Variants in NALCN observed in about 807,000 individuals in gnomAD.
The protein encoded by NALCN is sodium leak channel, non-selective, also known as sodium leak channel NALCN.
Under a neutral mutation model 225.3 loss-of-function variants are expected in NALCN, and 111 were observed. The ratio of observed to expected loss-of-function variants is 0.49; its 90% confidence interval spans 0.42 to 0.58. The LOEUF (loss-of-function observed/expected upper bound fraction) is 0.58. Among genes scored for constraint, NALCN ranks in the 20% least tolerant of loss-of-function variants. NALCN has a pLI of 0.00. For missense variants in NALCN, 1,378 were observed against 2,202.4 expected, an observed-to-expected ratio of 0.63 and a Z score of 7.49; for synonymous variants, 764 against 769.0, an observed-to-expected ratio of 0.99 and a Z score of 0.11.
At chr13:101,236,945 A>AAC (rs1594501019) in intron 12 of NALCN, among the ~76,000 whole-genome samples, 2 of 100,382 alleles carry the variant, frequency 2.0e-5, no homozygotes, top group East Asian at 6.6e-4. Context: ...TAAAAAATAA[A>AAC]ATAATATAAA....
At chr13:101,208,656 A>C (rs545877350) in intron 13 of NALCN, among the ~76,000 whole-genome samples, 1 of 152,298 alleles carries the variant, frequency 6.6e-6, no homozygotes, top group Admixed American at 6.5e-5. Context: ...TGTTTAGGTC[A>C]CGGGGCAGCT....
At chr13:101,360,820 G>A (rs1485273034) in intron 6 of NALCN, among the ~76,000 whole-genome samples, 1 of 152,148 alleles carries the variant, frequency 6.6e-6, no homozygotes, top group Admixed American at 6.5e-5. Flanking sequence ...GGTGCTCCTT[G>A]GACATTTCTG....
chr13:101,080,588 A>T (rs534388083), intron 34 of NALCN, among the ~76,000 whole-genome samples: 1 of 139,968 alleles, frequency 7.1e-6, no homozygotes, highest in Admixed American at 7.2e-5. Context: ...TATATAATTA[A>T]ATAATTATTA....
chr13:101,180,770 C>A (rs1462820484), intron 14 of NALCN: 1 of 297,838 alleles, frequency 3.4e-6, no homozygotes. Flanking sequence ...TCAAAACACA[C>A]CTGTGTGGGT....
At position 101,305,412 on chromosome 13, in the gene NALCN, T is replaced by C. The variant is rs2044122897; in HGVS notation, c.800-13046A>G. On this transcript the variant is annotated intron_variant, in intron 7 of 43. Coordinates refer to ENST00000251127, the MANE Select transcript of NALCN (RefSeq NM_052867.4). ...TTATAAAATATCCAGCACAAATCATTGAAGTTAAAGAGGCACAAGGACATT... is the reference window on the plus strand; with the variant it reads ...TTATAAAATATCCAGCACAAATCATCGAAGTTAAAGAGGCACAAGGACATT... Among the ~76,000 whole-genome samples, 3 of 152,224 alleles carry C rather than the reference T, an allele frequency of 2.0e-5. No homozygotes were observed. In the South Asian group the frequency reaches 6.2e-4, roughly 31 times the overall value.
intron 37 of NALCN, among the ~76,000 whole-genome samples, chr13:101,071,250 T>C (rs190727669): frequency 1.4e-4 from 21 of 152,360 alleles, no homozygotes; most frequent in Admixed American, 1.3e-3. Flanking sequence ...GCTGCATTAG[T>C]CCCTAACAAC....
At position 101,143,086 on chromosome 13, in the gene NALCN, G is replaced by A. The variant is rs757503833; in HGVS notation, c.2112C>T (p.Asp704=). 1.9e-6 allele frequency: 3 copies of A among 1,613,992 alleles called. No individual in the cohort carries two copies. Among genetic ancestry groups the A allele is most frequent in the South Asian group, 1.1e-5 (1 of 91,062 alleles). Residue 704 remains aspartate, a synonymous_variant, in exon 17 of 44, where the codon GAC becomes GAT. Transcript: ENST00000251127. ...RSAIEDNKYI[D]QKLRKSVFSI... ...TCGAAACAGCAGATCTTACTTTTTG[G>A]TCGATGTATTTGTTGTCCTCAATTG...
At chr13:101,064,811 G>A (rs1368295692) in intron 40 of NALCN, among the ~76,000 whole-genome samples, 1 of 152,100 alleles carries the variant, frequency 6.6e-6, no homozygotes, top group Non-Finnish European at 1.5e-5. Context: ...TCAGCTTAAG[G>A]TGCTAAGTTA....
At chr13:101,322,870 G>A (rs1437735928) in intron 7 of NALCN, among the ~76,000 whole-genome samples, 1 of 151,790 alleles carries the variant, frequency 6.6e-6, no homozygotes, top group Non-Finnish European at 1.5e-5. Flanking sequence ...CCACCACCAT[G>A]CCTGGCTAAT....
chr13:101,111,019 C>A (rs2139646810), intron 19 of NALCN, 106 bp downstream of exon 19: 1 of 1,110,480 alleles, frequency 9.0e-7, no homozygotes. Context: ...CTCAGCCATG[C>A]CTGTCTGGCA....
Position 101,188,619 on chromosome 13 carries a change from C to CACAT in NALCN, c.1764+3297_1764+3298insATGT, listed in dbSNP as rs763931412. On this transcript the variant is annotated intron_variant, in intron 14 of 43. Transcript: ENST00000251127. ...ACACATATATATACATATATACACA[C>CACAT]ATATATACATATATACACATATATA... Among the ~76,000 whole-genome samples, 448 of 149,982 alleles carry CACAT rather than the reference C, an allele frequency of 3.0e-3. 1 individual carries two copies. Among genetic ancestry groups the CACAT allele is most frequent in the African/African-American group, 0.011 (428 of 40,684 alleles).
Position 101,283,006 on chromosome 13 carries a change from C to G in NALCN, c.1134+927G>C, listed in dbSNP as rs112606191. ...TCCCACGGCAGATGTGAACACTTCTCCAAATTATGAGGGCAGGATATAAAC... is the reference window on the plus strand; with the variant it reads ...TCCCACGGCAGATGTGAACACTTCTGCAAATTATGAGGGCAGGATATAAAC... On this transcript the variant is annotated intron_variant, in intron 10 of 43. Coordinates refer to ENST00000251127, the MANE Select transcript of NALCN (RefSeq NM_052867.4). Among the ~76,000 whole-genome samples the G allele has an allele frequency of 7.7e-3, 1,166 of 152,176 alleles. 13 individuals carry two copies. The highest frequency in any genetic ancestry group is 0.027 in the African/African-American group (1,115 of 41,488).
At chr13:101,405,830 C>G (rs908343845) in intron 1 of NALCN, among the ~76,000 whole-genome samples, 1 of 152,148 alleles carries the variant, frequency 6.6e-6, no homozygotes, top group Admixed American at 6.5e-5. Flanking sequence ...CCTTCAGTAG[C>G]TCACACACAC....
chr13:101,293,392 A>G (rs944504812), intron 7 of NALCN, among the ~76,000 whole-genome samples: 3 of 152,242 alleles, frequency 2.0e-5, no homozygotes, highest in Non-Finnish European at 2.9e-5. Flanking sequence ...ATTGCTCAAT[A>G]TGCTTTTGTG....
rs1406696511 is a variant in NALCN at position 101,395,218 on chromosome 13, T to C, written c.256A>G (p.Met86Val). The C allele has an allele frequency of 1.2e-6, 2 of 1,613,922 alleles. No homozygotes were observed. The highest frequency in any genetic ancestry group is 2.2e-5 in the East Asian group (1 of 44,878). Residue 86 changes from methionine (M) to valine (V), a missense_variant, in exon 3 of 44, where the codon ATG becomes GTG. Physicochemically the swap from Met to Val is conservative, Grantham distance 21 (BLOSUM62 1). Around this residue, in one of 19 missense-constraint regions of NALCN, gnomAD observed 146 missense variants for 205.9 expected, o/e 0.71. Coordinates refer to ENST00000251127, the MANE Select transcript of NALCN (RefSeq NM_052867.4). Reference protein sequence around the residue: ...TLLMFLYTAEMIAKMHIRGIV... With the variant: ...TLLMFLYTAEVIAKMHIRGIV... ...CCCCGGATGTGCATTTTTGCTATCA[T>C]CTCTGCCGTGTAGAGAAACATCAAT...
At chr13:101,059,700 C>A in intron 42 of NALCN, 118 bp downstream of exon 42, 8 of 810,612 alleles carry the variant, frequency 9.9e-6, no homozygotes, top group South Asian at 3.4e-5. Flanking sequence ...GAAAATATTC[C>A]TATTAGAAAT....
At chr13:101,338,182 A>G (rs2045443175) in intron 7 of NALCN, among the ~76,000 whole-genome samples, 1 of 152,216 alleles carries the variant, frequency 6.6e-6, no homozygotes, top group African/African-American at 2.4e-5. Context: ...GAACAGGCAA[A>G]GTGATCCACC....
chr13:101,188,060 A>G (rs1301326713), intron 14 of NALCN, among the ~76,000 whole-genome samples: 1 of 152,186 alleles, frequency 6.6e-6, no homozygotes, highest in Non-Finnish European at 1.5e-5. Context: ...TATATCCTAG[A>G]GAAATTCACA....
At chr13:101,297,695 G>C (rs1476977213) in intron 7 of NALCN, among the ~76,000 whole-genome samples, 1 of 152,186 alleles carries the variant, frequency 6.6e-6, no homozygotes, top group Admixed American at 6.5e-5. Flanking sequence ...TGTTACTCGG[G>C]TCATCCTGCT....
Sources: gnomAD v4.1 joint callset for allele counts (sites outside exome capture counted in the v4.1 genomes callset) on GRCh38, gnomAD v4.1.1 for gene constraint, gnomAD v4.1.1 regional missense constraint, MANE v1.5 for transcripts, NCBI Gene and HGNC (gene_info 2026-07-23, HGNC 2026-07-21) for gene names.